Variants in LINGO2 observed in about 807,000 individuals in gnomAD.
LINGO2 encodes the protein leucine-rich repeat and immunoglobulin-like domain-containing nogo receptor-interacting protein 2.
LINGO2 carries 14 observed loss-of-function variants against 30.6 expected under a neutral mutation model. That is an observed-to-expected ratio of 0.46 (90% CI 0.30 to 0.72). LINGO2 has a LOEUF of 0.72. Among genes scored for constraint, LINGO2 ranks in the 30% least tolerant of loss-of-function variants. The probability of loss-of-function intolerance (pLI) is 0.07; values close to 1 mark genes in which losing one functional copy is unlikely to be tolerated. For missense variants in LINGO2, 729 were observed against 751.7 expected (o/e 0.97, Z 0.35); for synonymous variants, 317 against 288.5 (o/e 1.10, Z -1.00).
chr9:28,854,869 G>A, the LINGO2 span, among the ~76,000 whole-genome samples: 74 of 151,936 alleles, frequency 4.9e-4, 1 homozygote, highest in Non-Finnish European at 5.9e-5. Context: ...CCACATGCTT[G>A]AGTTAGTAAT....
chr9:28,431,490 A>C (rs1013814008), intron 2 of LINGO2, among the ~76,000 whole-genome samples: 1 of 152,356 alleles, frequency 6.6e-6, no homozygotes, highest in African/African-American at 2.4e-5. Flanking sequence ...GTTTGGAAGA[A>C]AGAAACAGAA....
intron 2 of LINGO2, among the ~76,000 whole-genome samples, chr9:28,413,897 G>A (rs933164271): frequency 2.6e-5 from 4 of 151,876 alleles, no homozygotes; most frequent in African/African-American, 9.7e-5. Context: ...TTTGAAGAGA[G>A]GCTGTAAAAA....
chr9:28,845,858 A>C, the LINGO2 span, among the ~76,000 whole-genome samples: 1 of 151,844 alleles, frequency 6.6e-6, no homozygotes, highest in East Asian at 1.9e-4. Context: ...CTATGTGCCA[A>C]CTTTTGTCTG....
chr9:27,967,641 G>C (rs1202679127), intron 5 of LINGO2, among the ~76,000 whole-genome samples: 1 of 152,092 alleles, frequency 6.6e-6, no homozygotes, highest in Non-Finnish European at 1.5e-5. Flanking sequence ...TCTGGAAAAT[G>C]ACCTATTGTC....
intron 1 of LINGO2, among the ~76,000 whole-genome samples, chr9:28,575,969 C>T (rs1028251955): frequency 6.6e-6 from 1 of 151,974 alleles, no homozygotes; most frequent in African/African-American, 2.4e-5. Context: ...TCCCCCCACA[C>T]AGGGACAGAC....
At chr9:29,040,946 T>C in the LINGO2 span, among the ~76,000 whole-genome samples, 1 of 152,016 alleles carries the variant, frequency 6.6e-6, no homozygotes, top group Non-Finnish European at 1.5e-5. Flanking sequence ...ACTGAGTTCA[T>C]TAACAATTTT....
the LINGO2 span, among the ~76,000 whole-genome samples, chr9:28,991,467 C>T: frequency 1.4e-5 from 2 of 146,800 alleles, no homozygotes; most frequent in Non-Finnish European, 3.0e-5. Flanking sequence ...GAGAACTTCC[C>T]CAATCTAGCA....
chr9:28,093,822 G>A (rs1174867891), intron 4 of LINGO2, among the ~76,000 whole-genome samples: 1 of 151,882 alleles, frequency 6.6e-6, no homozygotes, highest in Non-Finnish European at 1.5e-5. Context: ...ACCTTGAAAT[G>A]TGTCTCTTTC....
chr9:28,804,250 T>C, the LINGO2 span, among the ~76,000 whole-genome samples: 2 of 152,114 alleles, frequency 1.3e-5, no homozygotes, highest in African/African-American at 2.4e-5. Flanking sequence ...TACAGTTACA[T>C]ATGCAGCTAT....
intron 3 of LINGO2, among the ~76,000 whole-genome samples, chr9:28,349,934 C>A (rs1365251708): frequency 6.6e-6 from 1 of 152,106 alleles, no homozygotes; most frequent in African/African-American, 2.4e-5. Context: ...AAATCCTTTA[C>A]AGACAAGCAA....
rs576059849 is a variant in LINGO2 at position 28,312,831 on chromosome 9, G to A, written c.-245-17465C>T. The stretch of plus-strand genomic sequence containing the variant: ...TCAACCCAAAGGAGATTTCACAGCA[G>A]AAATCACCTTGTGCCTTTATTCTTA... On this transcript the variant is annotated intron_variant, in intron 3 of 5. Transcript: ENST00000379992. 1.2e-4 allele frequency among the ~76,000 whole-genome samples: 19 copies of A among 152,242 alleles called. No individual in the cohort carries two copies. In the East Asian group the frequency reaches 3.3e-3, roughly 26 times the overall value.
the LINGO2 span, among the ~76,000 whole-genome samples, chr9:28,690,664 A>G: frequency 6.4e-3 from 978 of 152,234 alleles, 24 homozygotes; most frequent in Admixed American, 0.035. Context: ...TGGAATTTCT[A>G]TCTTTTACTT....
intron 1 of LINGO2, among the ~76,000 whole-genome samples, chr9:28,639,376 G>A (rs1256315221): frequency 1.3e-5 from 2 of 151,954 alleles, no homozygotes; most frequent in Non-Finnish European, 2.9e-5. Flanking sequence ...GGGTATCCTT[G>A]TTAACTTTCT....
intron 1 of LINGO2, among the ~76,000 whole-genome samples, chr9:28,533,975 T>C (rs1377560795): frequency 6.6e-6 from 1 of 152,188 alleles, no homozygotes; most frequent in Non-Finnish European, 1.5e-5. Context: ...TATACATTGA[T>C]AAACACATCT....
chr9:28,295,235 C>G (rs1823880418), exon 4 of LINGO2: 1 of 152,676 alleles, frequency 6.5e-6, no homozygotes, highest in Admixed American at 6.5e-5. Flanking sequence ...AAAATCCAAC[C>G]CTTGCCGTCT....
the LINGO2 span, among the ~76,000 whole-genome samples, chr9:29,062,953 A>T: frequency 1.3e-5 from 2 of 152,106 alleles, no homozygotes; most frequent in African/African-American, 4.8e-5. Flanking sequence ...CAAAGACCAG[A>T]TTACGTTCTA....
At chr9:29,115,713 C>T in the LINGO2 span, among the ~76,000 whole-genome samples, 1 of 151,812 alleles carries the variant, frequency 6.6e-6, no homozygotes, top group African/African-American at 2.4e-5. Context: ...GTATTTTTAT[C>T]ATGATATGCA....
chr9:28,565,288 T>A (rs1004588902), intron 1 of LINGO2, among the ~76,000 whole-genome samples: 1 of 151,428 alleles, frequency 6.6e-6, no homozygotes, highest in Non-Finnish European at 1.5e-5. Context: ...CCTGGGTTCA[T>A]GCCATTCTCC....
intron 4 of LINGO2, among the ~76,000 whole-genome samples, chr9:28,082,308 C>A (rs774266489): frequency 1.6e-4 from 25 of 151,996 alleles, no homozygotes; most frequent in Non-Finnish European, 3.1e-4. Context: ...CTCATATGGG[C>A]GCAGGTATGA....
Sources: gnomAD v4.1 joint callset for allele counts (sites outside exome capture counted in the v4.1 genomes callset) on GRCh38, gnomAD v4.1.1 for gene constraint, MANE v1.5 for transcripts, NCBI Gene and HGNC (gene_info 2026-07-23, HGNC 2026-07-21) for gene names.